Variants in MTNAP1 observed in about 807,000 individuals in gnomAD.
MTNAP1 encodes the protein mitochondrial nucleoid-associated protein 1.
the MTNAP1 span, chr17:73,235,741 GA>G: frequency 6.2e-7 from 1 of 1,614,168 alleles, no homozygotes; most frequent in Non-Finnish European, 8.5e-7. Flanking sequence ...GGACAAACCA[GA>G]ACAGACAGTG....
the MTNAP1 span, among the ~76,000 whole-genome samples, chr17:73,237,739 G>A: frequency 6.6e-6 from 1 of 151,268 alleles, no homozygotes; most frequent in East Asian, 1.9e-4. Flanking sequence ...CAAGAAATAG[G>A]TTCTAGGTTT....
the MTNAP1 span, chr17:73,247,729 A>G: frequency 5.9e-6 from 1 of 169,902 alleles, no homozygotes; most frequent in Non-Finnish European, 1.3e-5. Context: ...GACATTGGTA[A>G]GTACCAAGAA....
chr17:73,235,547 A>G, the MTNAP1 span: 10 of 1,614,124 alleles, frequency 6.2e-6, no homozygotes, highest in Non-Finnish European at 7.6e-6. Context: ...AAACGATTAA[A>G]ATCCCACTTG....
the MTNAP1 span, chr17:73,248,760 C>T: frequency 1.0e-5 from 5 of 502,104 alleles, no homozygotes; most frequent in South Asian, 5.8e-5. Flanking sequence ...AACCTCGGGG[C>T]GGCCTTGTTT....
the MTNAP1 span, chr17:73,235,945 G>A: frequency 1.2e-6 from 2 of 1,614,082 alleles, no homozygotes; most frequent in African/African-American, 1.3e-5. Context: ...ACTTGCCAAA[G>A]ATTTGCCTAA....
the MTNAP1 span, among the ~76,000 whole-genome samples, chr17:73,237,524 G>A: frequency 6.6e-6 from 1 of 152,172 alleles, no homozygotes; most frequent in African/African-American, 2.4e-5. Context: ...TCCCCCAAGA[G>A]TTGAGGGTTA....
chr17:73,242,971 T>C, the MTNAP1 span: 190 of 1,614,004 alleles, frequency 1.2e-4, no homozygotes, highest in Admixed American at 3.5e-4. Context: ...GGATACTTCG[T>C]CCTGTGTTGT....
the MTNAP1 span, chr17:73,243,077 ATTT>A: frequency 0.013 from 5,768 of 431,612 alleles, no homozygotes; most frequent in Middle Eastern, 0.018. Flanking sequence ...GATTCTCTGA[ATTT>A]TTTTTTTTTT....
the MTNAP1 span, chr17:73,235,586 T>C: frequency 6.2e-7 from 1 of 1,613,974 alleles, no homozygotes; most frequent in Non-Finnish European, 8.5e-7. Context: ...GGACCAACCA[T>C]ACCTACTGAT....
the MTNAP1 span, chr17:73,237,049 C>T: frequency 5.5e-5 from 80 of 1,457,294 alleles, no homozygotes; most frequent in Non-Finnish European, 6.7e-5. Flanking sequence ...GCTCTCTCTG[C>T]CTTTTGAATT....
chr17:73,243,471 A>G, the MTNAP1 span, among the ~76,000 whole-genome samples: 1 of 151,614 alleles, frequency 6.6e-6, no homozygotes, highest in Non-Finnish European at 1.5e-5. Flanking sequence ...GGGTTTTATT[A>G]GAGGCTTGGT....
the MTNAP1 span, among the ~76,000 whole-genome samples, chr17:73,243,822 C>T: frequency 0.025 from 3,865 of 152,254 alleles, 162 homozygotes; most frequent in African/African-American, 0.086. Flanking sequence ...CATGAGCCAC[C>T]GCACTCAGCC....
At chr17:73,245,242 G>A in the MTNAP1 span, 2 of 1,609,776 alleles carry the variant, frequency 1.2e-6, no homozygotes. Flanking sequence ...GCGTACAGTG[G>A]AGACGACTGC....
the MTNAP1 span, among the ~76,000 whole-genome samples, chr17:73,234,600 A>T: frequency 6.6e-6 from 1 of 151,758 alleles, no homozygotes; most frequent in African/African-American, 2.4e-5. Context: ...CTGAGGCAGG[A>T]CAATAGCTTG....
the MTNAP1 span, chr17:73,242,826 T>C: frequency 1.4e-5 from 18 of 1,270,508 alleles, no homozygotes; most frequent in South Asian, 2.0e-4. Flanking sequence ...CTGGGAAAAC[T>C]TGAATGACTC....
the MTNAP1 span, chr17:73,248,563 G>T: frequency 0.14 from 221,602 of 1,549,858 alleles, 17,806 homozygotes; most frequent in Admixed American, 0.23. Flanking sequence ...AATGCAGCGT[G>T]AGAATCCATA....
At chr17:73,233,119 C>G in the MTNAP1 span, 4 of 149,372 alleles carry the variant, frequency 2.7e-5, no homozygotes, top group Non-Finnish European at 5.9e-5. Context: ...GGTCTTAACT[C>G]TCTGCTTTCC....
At chr17:73,245,303 G>A in the MTNAP1 span, 3 of 1,434,954 alleles carry the variant, frequency 2.1e-6, no homozygotes, top group Admixed American at 2.9e-5. Context: ...CAGGGAGAGG[G>A]GAGTGAAAAA....
the MTNAP1 span, among the ~76,000 whole-genome samples, chr17:73,246,090 C>T: frequency 2.0e-5 from 3 of 152,060 alleles, no homozygotes; most frequent in Admixed American, 1.3e-4. Flanking sequence ...ATTTAGGCAA[C>T]GTTGATGGAT....
Sources: allele counts gnomAD v4.1 joint callset (sites outside exome capture counted in the v4.1 genomes callset), GRCh38; gene constraint gnomAD v4.1.1; transcripts MANE v1.5; gene names NCBI Gene and HGNC (gene_info 2026-07-23, HGNC 2026-07-21).